The following NCALD variants were observed in gnomAD, a reference collection of about 807,000 sequenced individuals.
NCALD encodes the protein neurocalcin delta.
NCALD carries 10 observed loss-of-function variants against 18.6 expected under a neutral mutation model. The ratio of observed to expected loss-of-function variants is 0.54; its 90% CI spans 0.33 to 0.91. The LOEUF is 0.91. Ranked by LOEUF, NCALD falls within the 40% of genes least tolerant of loss-of-function variation. The pLI is 0.03. For synonymous variants in NCALD, 88 were observed against 87.4 expected (o/e 1.01, Z -0.04); for missense variants, 184 against 247.6 (o/e 0.74, Z 1.72).
chr8:101,908,033 C>G (rs1280055658), intron 3 of NCALD, among the ~76,000 whole-genome samples: 2 of 152,118 alleles, frequency 1.3e-5, no homozygotes, highest in African/African-American at 2.4e-5. Context: ...GAATAGAAAA[C>G]ACCCAGGCAG....
intron 1 of NCALD, among the ~76,000 whole-genome samples, chr8:102,023,037 C>T (rs1822329825): frequency 6.6e-6 from 1 of 152,192 alleles, no homozygotes; most frequent in South Asian, 2.1e-4. Context: ...TCATGGGGTG[C>T]TTGGTCCTAG....
intron 4 of NCALD, among the ~76,000 whole-genome samples, chr8:101,880,425 T>C (rs1460152431): frequency 6.6e-6 from 1 of 152,136 alleles, no homozygotes; most frequent in Non-Finnish European, 1.5e-5. Flanking sequence ...GAGCTGGCTC[T>C]GGCCTTGGCC....
At chr8:102,019,540 A>G (rs887626250) in intron 2 of NCALD, among the ~76,000 whole-genome samples, 1 of 152,180 alleles carries the variant, frequency 6.6e-6, no homozygotes, top group African/African-American at 2.4e-5. Flanking sequence ...TTCTTTCCTC[A>G]AAGAAAACAT....
At chr8:101,964,275 T>A (rs907659734) in intron 2 of NCALD, among the ~76,000 whole-genome samples, 2 of 152,200 alleles carry the variant, frequency 1.3e-5, no homozygotes, top group Non-Finnish European at 2.9e-5. Flanking sequence ...CATATATCTA[T>A]TACAAATCTA....
intron 4 of NCALD, among the ~76,000 whole-genome samples, chr8:101,842,121 C>T (rs1563818210): frequency 6.6e-6 from 1 of 152,144 alleles, no homozygotes; most frequent in Non-Finnish European, 1.5e-5. Flanking sequence ...CTTCCTGTGT[C>T]TTCACATGGT....
chr8:101,697,423 G>T (rs1354353808), intron 2 of NCALD, among the ~76,000 whole-genome samples: 1 of 152,178 alleles, frequency 6.6e-6, no homozygotes, highest in Non-Finnish European at 1.5e-5. Context: ...GAAAAGGAAG[G>T]ACTCCTCCCT....
intron 1 of NCALD, among the ~76,000 whole-genome samples, chr8:102,093,236 C>G (rs937693204): frequency 6.6e-6 from 1 of 151,960 alleles, no homozygotes; most frequent in African/African-American, 2.4e-5. Flanking sequence ...AAGAACTATC[C>G]TAGGTGCTCT....
upstream of NCALD, among the ~76,000 whole-genome samples, chr8:101,794,676 A>G (rs1812573274): frequency 2.0e-5 from 3 of 152,150 alleles, no homozygotes; most frequent in South Asian, 6.2e-4. Flanking sequence ...TTATTAAATC[A>G]TTTACTATAA....
chr8:101,959,220 G>C (rs1819746950), intron 2 of NCALD, among the ~76,000 whole-genome samples: 1 of 152,014 alleles, frequency 6.6e-6, no homozygotes, highest in African/African-American at 2.4e-5. Flanking sequence ...TTACAGGCTA[G>C]TTATTTTTTT....
intron 3 of NCALD, among the ~76,000 whole-genome samples, chr8:101,888,800 T>C (rs1435671919): frequency 6.6e-6 from 1 of 152,122 alleles, no homozygotes; most frequent in African/African-American, 2.4e-5. Flanking sequence ...CATTTTACAG[T>C]GTATGAAGCA....
At chr8:101,763,975 CACA>C (rs1339308308) in intron 1 of NCALD, among the ~76,000 whole-genome samples, 1 of 27,826 alleles carries the variant, frequency 3.6e-5, no homozygotes, top group African/African-American at 6.6e-5. Flanking sequence ...TCCACACACA[CACA>C]CACACACACA....
chr8:101,948,798 G>A (rs1819278098), intron 2 of NCALD, among the ~76,000 whole-genome samples: 1 of 152,214 alleles, frequency 6.6e-6, no homozygotes, highest in South Asian at 2.1e-4. Flanking sequence ...CTATGGGGAA[G>A]TCCTGGCTCC....
chr8:101,898,773 G>C (rs1586720733), intron 3 of NCALD, among the ~76,000 whole-genome samples: 1 of 151,998 alleles, frequency 6.6e-6, no homozygotes, highest in East Asian at 1.9e-4. Flanking sequence ...ACACAGTCTT[G>C]ACTACGATAG....
intron 4 of NCALD, among the ~76,000 whole-genome samples, chr8:101,846,533 C>G (rs1283750053): frequency 6.6e-6 from 1 of 152,144 alleles, no homozygotes; most frequent in Non-Finnish European, 1.5e-5. Context: ...CATCAGGAAC[C>G]TGGATCATTC....
chr8:102,009,910 T>A (rs1252794771), intron 2 of NCALD, among the ~76,000 whole-genome samples: 1 of 152,216 alleles, frequency 6.6e-6, no homozygotes, highest in East Asian at 1.9e-4. Flanking sequence ...GAGCTGTACA[T>A]GAGACACATT....
rs181848885 is a variant in NCALD, at chr8:101,929,188, G to A, written c.-156-13330C>T. ...ACAGGAGCAAGAAATCAAGAACCCA[G>A]GTGAATATTGCAAAGTTCTAGCCCC... On this transcript the variant is annotated intron_variant, in intron 2 of 6. Transcript: ENST00000311028. Among the ~76,000 whole-genome samples the A allele has an allele frequency of 6.3e-5, 9 of 142,374 alleles. No homozygotes were observed. The East Asian group carries it at 1.8e-3, about 29-fold the overall frequency. 93.4% of individuals were successfully genotyped at this position (142,374 alleles called of 152,430 possible). A position where few individuals can be genotyped will look rare whatever the true frequency, so the allele number is the denominator to read the frequency against.
intron 2 of NCALD, among the ~76,000 whole-genome samples, chr8:101,965,003 A>G (rs918190350): frequency 2.6e-5 from 4 of 152,334 alleles, no homozygotes; most frequent in African/African-American, 4.8e-5. Flanking sequence ...GCCAACAAAC[A>G]TATGAAAAAA....
chr8:102,023,273 G>A (rs775545024), intron 1 of NCALD, among the ~76,000 whole-genome samples: 2 of 152,142 alleles, frequency 1.3e-5, no homozygotes, highest in Admixed American at 6.5e-5. Context: ...AGCCCAACTA[G>A]GCAACACTGG....
chr8:102,008,535 CA>C (rs2132055637), intron 2 of NCALD, among the ~76,000 whole-genome samples: 1 of 148,558 alleles, frequency 6.7e-6, no homozygotes, highest in East Asian at 2.0e-4. Context: ...TTCTTAAAAG[CA>C]GGAGATAAAA....
Sources: gnomAD v4.1 joint callset for allele counts (sites outside exome capture counted in the v4.1 genomes callset) on GRCh38, gnomAD v4.1.1 for gene constraint, MANE v1.5 for transcripts, NCBI Gene and HGNC (gene_info 2026-07-23, HGNC 2026-07-21) for gene names.